The following CLASP2 variants were observed in gnomAD, a reference collection of about 807,000 sequenced individuals.
CLASP2 encodes cytoplasmic linker associated protein 2.
CLASP2 carries 47 observed loss-of-function variants against 194.4 expected under a neutral mutation model. The observed-to-expected ratio is 0.24, with a 90% CI of 0.19 to 0.31. The LOEUF is 0.31. Ranked by LOEUF, CLASP2 falls within the 10% of genes least tolerant of loss-of-function variation. The probability of loss-of-function intolerance (pLI) is 1.00; values close to 1 mark genes in which losing one functional copy is unlikely to be tolerated. For missense variants in CLASP2, 1,445 were observed against 1,823.6 expected (o/e 0.79, Z 3.78); for synonymous variants, 619 against 633.5 (o/e 0.98, Z 0.34).
At chr3:33,716,231 T>C (rs2093293166) in intron 1 of CLASP2, among the ~76,000 whole-genome samples, 1 of 152,156 alleles carries the variant, frequency 6.6e-6, no homozygotes, top group Non-Finnish European at 1.5e-5. Flanking sequence ...TGGGCTACAT[T>C]ATCTAGTGAG....
intron 7 of CLASP2, among the ~76,000 whole-genome samples, chr3:33,651,736 T>G (rs1185568461): frequency 6.7e-6 from 1 of 149,854 alleles, no homozygotes; most frequent in Non-Finnish European, 1.5e-5. Flanking sequence ...CTTGGCTCAC[T>G]GCAACCTCTG....
At chr3:33,640,775 T>A (rs1300047983) in intron 8 of CLASP2, among the ~76,000 whole-genome samples, 1 of 152,026 alleles carries the variant, frequency 6.6e-6, no homozygotes, top group Non-Finnish European at 1.5e-5. Flanking sequence ...GAAAATAAAC[T>A]TGAAGAAGGC....
At chr3:33,645,594 T>C (rs2082136450) in intron 7 of CLASP2, 1 of 349,330 alleles carries the variant, frequency 2.9e-6, no homozygotes, top group African/African-American at 2.1e-5. Context: ...TTAGCTATAA[T>C]CCTTATTCTA....
chr3:33,569,592 T>C (rs1364157861), intron 26 of CLASP2, among the ~76,000 whole-genome samples: 1 of 152,192 alleles, frequency 6.6e-6, no homozygotes, highest in African/African-American at 2.4e-5. Context: ...AATATCTATC[T>C]AGAATGGTAT....
intron 29 of CLASP2, among the ~76,000 whole-genome samples, chr3:33,552,912 T>C (rs982015507): frequency 1.3e-5 from 2 of 152,188 alleles, no homozygotes; most frequent in Non-Finnish European, 2.9e-5. Context: ...TTATTAACTA[T>C]AGTCACCATG....
intron 9 of CLASP2, among the ~76,000 whole-genome samples, chr3:33,629,798 A>G (rs918946154): frequency 6.6e-6 from 1 of 151,636 alleles, no homozygotes; most frequent in Admixed American, 6.6e-5. Context: ...TTGCTATGAA[A>G]AAAAAAAAAC....
At chr3:33,507,657 A>T (rs538399239) in intron 37 of CLASP2, among the ~76,000 whole-genome samples, 8 of 151,944 alleles carry the variant, frequency 5.3e-5, no homozygotes, top group Middle Eastern at 3.4e-3. Flanking sequence ...AATTTTTAAA[A>T]TTTTTTTGTA....
At chr3:33,626,878 C>T in intron 10 of CLASP2, 110 bp downstream of exon 10, 1 of 623,892 alleles carries the variant, frequency 1.6e-6, no homozygotes, top group Non-Finnish European at 2.8e-6. Context: ...ACCTATCAGA[C>T]TCTCTATTTT....
chr3:33,718,218 C>T lies in CLASP2; in HGVS notation c.-216G>A. The T allele has an allele frequency of 7.1e-6, 2 of 282,290 alleles. No homozygotes were observed. The highest frequency in any genetic ancestry group is 1.3e-5 in the Non-Finnish European group (2 of 152,272). The allele number at this position is 282,290 out of a possible 1,614,324, so 17.5% of individuals were successfully genotyped here. ...GCGCCCCCCGATCCCCAGCCCGCTT[C>T]AGAGGCCGCGGCCGCGGGCGACGTC... On this transcript the variant is annotated 5_prime_UTR_variant, in exon 1 of 39. Coordinates refer to ENST00000682230, the MANE Select transcript of CLASP2 (RefSeq NM_001365631.1).
intron 27 of CLASP2, among the ~76,000 whole-genome samples, chr3:33,564,483 A>G (rs1359265007): frequency 6.6e-6 from 1 of 152,202 alleles, no homozygotes; most frequent in Admixed American, 6.5e-5. Flanking sequence ...GACTTCTCTG[A>G]GTTTCCTAAG....
rs569177426 is a variant in CLASP2 at position 33,647,870 on chromosome 3, A to G, written c.716-2967T>C. On this transcript the variant is annotated intron_variant, in intron 7 of 38. Coordinates refer to ENST00000682230, the MANE Select transcript of CLASP2 (RefSeq NM_001365631.1). ...TAACACGGTGAAACCCATCTCTACTAAAAATACAAAAAATTAGCCAGGCGT... is the reference window on the plus strand; with the variant it reads ...TAACACGGTGAAACCCATCTCTACTGAAAATACAAAAAATTAGCCAGGCGT... Among the ~76,000 whole-genome samples, 19 of 152,212 alleles carry G rather than the reference A, an allele frequency of 1.2e-4. No homozygotes were observed. The South Asian group carries it at 3.7e-3, about 30-fold the overall frequency.
chr3:33,629,703 G>A (rs1177750333), intron 9 of CLASP2, among the ~76,000 whole-genome samples: 1 of 151,626 alleles, frequency 6.6e-6, no homozygotes, highest in African/African-American at 2.4e-5. Flanking sequence ...CACGGTTTCA[G>A]GACACAGAGA....
intron 36 of CLASP2, among the ~76,000 whole-genome samples, chr3:33,513,634 C>T (rs1051295988): frequency 4.6e-5 from 7 of 152,182 alleles, no homozygotes; most frequent in Non-Finnish European, 1.0e-4. Flanking sequence ...AAAGTAATTA[C>T]CCCAAGGGTT....
In CLASP2 at chr3:33,619,796, C is replaced by T. The variant is rs1385829630; in HGVS notation, c.1182-58G>A. On this transcript the variant is annotated intron_variant, in intron 11 of 38. Transcript: ENST00000682230. ...GTTTAACATTAAATATAGATAGAAC[C>T]ATATAATTTTAAAATACTCTTTTAC... is the stretch of plus-strand genomic sequence containing the variant. 2.3e-6 allele frequency: 3 copies of T among 1,332,556 alleles called. No individual in the cohort carries two copies. In the African/African-American group the frequency reaches 4.5e-5, roughly 20 times the overall value. 82.5% of individuals were successfully genotyped at this position (1,332,556 alleles called of 1,614,324 possible). A position where few individuals can be genotyped will look rare whatever the true frequency, so the allele number is the denominator to read the frequency against.
chr3:33,584,458 A>C (rs2066895964), intron 22 of CLASP2, among the ~76,000 whole-genome samples: 2 of 151,040 alleles, frequency 1.3e-5, no homozygotes, highest in African/African-American at 4.9e-5. Flanking sequence ...TTTTTAGTAG[A>C]GACGGGGGTA....
intron 32 of CLASP2, 106 bp downstream of exon 32, chr3:33,543,327 C>G (rs916650914): frequency 6.9e-6 from 5 of 726,022 alleles, no homozygotes; most frequent in Non-Finnish European, 1.2e-5. Flanking sequence ...GAGTTGAGAT[C>G]ACACCACCAC....
Position 33,685,002 on chromosome 3 carries a change from A to AAAATAAAT in CLASP2, c.547-554_547-547dup, listed in dbSNP as rs371649189. 1.2e-3 allele frequency among the ~76,000 whole-genome samples: 177 copies of AAAATAAAT among 146,558 alleles called. 1 individual carries two copies. Among genetic ancestry groups the AAAATAAAT allele is most frequent in the African/African-American group, 4.3e-3 (166 of 38,980 alleles). ...GGGCGACAGAGCAAGACTCCATCTC[A>AAAATAAAT]AAATAAATAAATAAATAAATAAATA... On this transcript the variant is annotated intron_variant, in intron 5 of 38. Transcript: ENST00000682230.
chr3:33,501,551 T>G, intron 38 of CLASP2, 101 bp downstream of exon 38: 2 of 698,272 alleles, frequency 2.9e-6, no homozygotes, highest in Non-Finnish European at 5.1e-6. Context: ...AAAGCCTGAC[T>G]TATTAAATGC....
At chr3:33,639,059 C>T (rs1408406184) in intron 8 of CLASP2, among the ~76,000 whole-genome samples, 1 of 152,090 alleles carries the variant, frequency 6.6e-6, no homozygotes, top group Non-Finnish European at 1.5e-5. Context: ...TTAAACATTC[C>T]ATATGGTCCT....
Sources: allele counts gnomAD v4.1 joint callset (sites outside exome capture counted in the v4.1 genomes callset), GRCh38; gene constraint gnomAD v4.1.1; transcripts MANE v1.5; gene names NCBI Gene and HGNC (gene_info 2026-07-23, HGNC 2026-07-21).